Variants in RPL26L1 observed in about 807,000 individuals in gnomAD.
RPL26L1 encodes ribosomal protein uL24-like.
RPL26L1 carries 8 observed loss-of-function variants against 15.2 expected under a neutral mutation model. That is an observed-to-expected ratio of 0.53 (90% confidence interval 0.31 to 0.95). RPL26L1 has a LOEUF of 0.95. Ranked by LOEUF, RPL26L1 falls within the 40% of genes least tolerant of loss-of-function variation. RPL26L1 has a pLI of 0.05. For missense variants in RPL26L1, 146 were observed against 190.9 expected (o/e 0.76, Z 1.39); for synonymous variants, 51 against 65.9 (o/e 0.77, Z 1.09).
upstream of RPL26L1, chr5:172,957,135 G>A (rs1246753443): frequency 5.1e-5 from 23 of 454,392 alleles, no homozygotes; most frequent in African/African-American, 1.6e-4. Context: ...CCACTGCCTC[G>A]AGAAATAAAA....
At chr5:172,959,355 G>C, upstream of RPL26L1, 1 of 1,000,510 alleles carries the variant, frequency 1.0e-6, no homozygotes, top group Non-Finnish European at 1.2e-6. Context: ...CGCTGGGGGC[G>C]CCATTCGACT....
At position 172,969,403 on chromosome 5, in the gene RPL26L1, C is replaced by T. The variant is rs1437974419; in HGVS notation, c.310-10C>T. 1.2e-6 allele frequency: 2 copies of T among 1,612,488 alleles called. No homozygotes were observed. The highest frequency in any genetic ancestry group is 8.5e-7 in the Non-Finnish European group (1 of 1,179,168). Reference sequence around the variant, plus strand: ...GCAGAAATAAAGACCTGTTTTCTCACTCCCAACAGGTGGTTATCACCAGGC... The same window carrying T: ...GCAGAAATAAAGACCTGTTTTCTCATTCCCAACAGGTGGTTATCACCAGGC... On this transcript the variant is annotated splice_polypyrimidine_tract_variant and intron_variant, in intron 3 of 3. Transcript: ENST00000265100.
upstream of RPL26L1, chr5:172,958,594 G>C (rs1466113425): frequency 2.8e-6 from 1 of 355,744 alleles, no homozygotes; most frequent in African/African-American, 2.1e-5. Flanking sequence ...CCCACGGAGG[G>C]GGCGTGGTTG....
Position 172,959,871 on chromosome 5 carries a change from A to G in RPL26L1, c.-3A>G, listed in dbSNP as rs777801300. The G allele has an allele frequency of 6.2e-7, 1 of 1,614,074 alleles. No homozygotes were observed. The highest frequency in any genetic ancestry group is 8.5e-7 in the Non-Finnish European group (1 of 1,179,976). ...CTCTCTCCGCCCTTTGTAGAGGGTC[A>G]CCATGAAGTTCAATCCCTTCGTTAC... On this transcript the variant is annotated 5_prime_UTR_variant, in exon 2 of 4. Transcript: ENST00000265100.
upstream of RPL26L1, chr5:172,959,145 C>T (rs1755112640): frequency 2.0e-5 from 3 of 153,458 alleles, no homozygotes; most frequent in South Asian, 6.1e-4. Flanking sequence ...TGGCGTGAAC[C>T]CGGGAGGCGG....
At chr5:172,957,491 C>A, upstream of RPL26L1, 1 of 307,006 alleles carries the variant, frequency 3.3e-6, no homozygotes, top group Non-Finnish European at 6.5e-6. Context: ...AAGACCTGTA[C>A]CTGGCTCCAT....
upstream of RPL26L1, chr5:172,958,978 T>C (rs1755101905): frequency 6.5e-6 from 1 of 152,752 alleles, no homozygotes; most frequent in Non-Finnish European, 1.5e-5. Flanking sequence ...ATCCCAGCAC[T>C]TTGGAAGGCC....
At chr5:172,957,686 T>C (rs1755022205), upstream of RPL26L1, 1 of 198,928 alleles carries the variant, frequency 5.0e-6, no homozygotes, top group Non-Finnish European at 1.1e-5. Context: ...GACTAACACC[T>C]AAGGACTATT....
Position 172,960,019 on chromosome 5 carries a change from T to C in RPL26L1, c.146T>C (p.Ile49Thr). 6.2e-7 allele frequency: 1 copy of C among 1,614,128 alleles called. No homozygotes were observed. The highest frequency in any genetic ancestry group is 8.5e-7 in the Non-Finnish European group (1 of 1,179,994). The change falls in exon 2 of 4, where the codon ATC becomes ACC. Residue 49 changes from isoleucine to threonine, a missense_variant. Physicochemically the swap from Ile to Thr is moderately conservative, Grantham distance 89 (BLOSUM62 -1). Coordinates refer to ENST00000265100, the MANE Select transcript of RPL26L1 (RefSeq NM_016093.4). The stretch of plus-strand genomic sequence containing the variant: ...AAGTACAATGTCCGCTCCATGCCCA[T>C]CCGCAAGGACGACGAGGTCCAGGTA... ...RQKYNVRSMPIRKDDEVQVVR... is the reference protein window; with the variant it reads ...RQKYNVRSMPTRKDDEVQVVR...
intron 2 of RPL26L1, among the ~76,000 whole-genome samples, chr5:172,962,432 C>T (rs1245810060): frequency 2.6e-5 from 4 of 151,774 alleles, no homozygotes; most frequent in Admixed American, 6.6e-5. Flanking sequence ...CGCTTGAACC[C>T]GGGAGGCGGA....
chr5:172,957,971 C>G, upstream of RPL26L1: 1 of 207,150 alleles, frequency 4.8e-6, no homozygotes, highest in South Asian at 6.7e-5. Flanking sequence ...GGAATAAAAC[C>G]TAGTATTAGT....
intron 2 of RPL26L1, among the ~76,000 whole-genome samples, chr5:172,965,117 C>T (rs1384357090): frequency 2.0e-5 from 3 of 152,088 alleles, no homozygotes; most frequent in Admixed American, 6.6e-5. Context: ...ACCCAGAAGG[C>T]GGAGGTTGTG....
intron 2 of RPL26L1, among the ~76,000 whole-genome samples, chr5:172,960,454 G>A (rs1755188477): frequency 6.6e-6 from 1 of 152,116 alleles, no homozygotes; most frequent in East Asian, 1.9e-4. Context: ...CTGCTAGTTT[G>A]CCAAGTGTTG....
intron 3 of RPL26L1, among the ~76,000 whole-genome samples, chr5:172,968,914 TCTCCTGCCTCAGC>T (rs910890574): frequency 2.8e-4 from 41 of 144,842 alleles, no homozygotes; most frequent in Non-Finnish European, 5.7e-4. Context: ...TTCAAGCAAT[TCTCCTGCCTCAGC>T]CTCCCAAGTA....
chr5:172,969,037 A>G (rs903146980), intron 3 of RPL26L1, among the ~76,000 whole-genome samples: 4 of 151,184 alleles, frequency 2.6e-5, no homozygotes, highest in African/African-American at 9.7e-5. Flanking sequence ...CGATCTCCTG[A>G]CCTCGTGATC....
intron 2 of RPL26L1, among the ~76,000 whole-genome samples, chr5:172,967,534 G>A (rs1755502487): frequency 6.6e-6 from 1 of 152,086 alleles, no homozygotes; most frequent in South Asian, 2.1e-4. Context: ...TTTTTGAATA[G>A]AGTAGATTTT....
upstream of RPL26L1, chr5:172,955,234 T>C (rs551128887): frequency 1.8e-5 from 6 of 337,216 alleles, no homozygotes; most frequent in African/African-American, 1.3e-4. Flanking sequence ...ATTCAAGCAG[T>C]TCTCCTGTTT....
At chr5:172,964,464 T>G (rs1383063846) in intron 2 of RPL26L1, among the ~76,000 whole-genome samples, 5 of 151,954 alleles carry the variant, frequency 3.3e-5, no homozygotes, top group African/African-American at 1.2e-4. Context: ...TTTCATATTT[T>G]TAATAGAGAC....
intron 2 of RPL26L1, among the ~76,000 whole-genome samples, chr5:172,966,205 G>A (rs963421035): frequency 3.2e-4 from 49 of 151,172 alleles, no homozygotes; most frequent in African/African-American, 1.1e-3. Flanking sequence ...GTACAGTGGT[G>A]CAAAAACAGG....
Sources: allele counts gnomAD v4.1 joint callset (sites outside exome capture counted in the v4.1 genomes callset), GRCh38; gene constraint gnomAD v4.1.1; transcripts MANE v1.5; gene names NCBI Gene and HGNC (gene_info 2026-07-23, HGNC 2026-07-21).